WDR62: variants seen among roughly 807,000 people sequenced by gnomAD.
WDR62 encodes the protein WD repeat-containing protein 62.
A neutral mutation model predicts 160.6 loss-of-function variants in WDR62; 112 were observed. The observed-to-expected ratio is 0.70, with a 90% CI of 0.60 to 0.82. The LOEUF is 0.82. WDR62 is among the 40% of genes least tolerant of loss of function. The pLI is 0.00. For synonymous variants in WDR62, 792 were observed against 815.1 expected (o/e 0.97, Z 0.48); for missense variants, 1,819 against 1,983.8 (o/e 0.92, Z 1.58).
intron 2 of WDR62, 139 bp from the exon 3 acceptor site, chr19:36,059,829 C>T: frequency 1.2e-6 from 1 of 854,138 alleles, no homozygotes; most frequent in Non-Finnish European, 2.0e-6. Context: ...AGCGTAAACA[C>T]CTGGAGGAGG....
chr19:36,071,235 A>G (rs1971280489), intron 7 of WDR62, among the ~76,000 whole-genome samples: 1 of 152,152 alleles, frequency 6.6e-6, no homozygotes, highest in African/African-American at 2.4e-5. Flanking sequence ...CTAAAATTCA[A>G]CCCTGTTACT....
chr19:36,107,308 T>C (rs1973733743), downstream of WDR62, among the ~76,000 whole-genome samples: 1 of 152,198 alleles, frequency 6.6e-6, no homozygotes, highest in Non-Finnish European at 1.5e-5. Flanking sequence ...TTGTTGGCTT[T>C]CCTGCAGCCC....
chr19:36,101,431 GAC>G, intron 24 of WDR62, 114 bp downstream of exon 24: 2 of 1,019,578 alleles, frequency 2.0e-6, no homozygotes, highest in Non-Finnish European at 3.0e-6. Context: ...TGTCGAGGAA[GAC>G]ACATGTGGTC....
chr19:36,101,278 G>A lies in WDR62; in HGVS notation c.2932G>A (p.Val978Met). ...CCAGCAGGGCGACTCCTACCTCAGG[G>A]TGTCCTCCGACAGCCCAAAGGACCA... is the stretch of plus-strand genomic sequence containing the variant. ...GDQQGDSYLR[V>M]SSDSPKDQSP... Residue 978 changes from valine to methionine, a missense_variant, in exon 24 of 32, where the codon GTG (valine) becomes ATG (methionine). Physicochemically the swap from Val to Met is conservative, Grantham distance 21. Around this residue, in one of 3 missense-constraint regions of WDR62, gnomAD observed 770 missense variants for 734.2 expected, o/e 1.05. Transcript: ENST00000401500. 2 of 1,612,812 alleles carry A rather than the reference G, an allele frequency of 1.2e-6. No individual in the cohort carries two copies. The highest frequency in any genetic ancestry group is 1.7e-6 in the Non-Finnish European group (2 of 1,179,780).
At chr19:36,055,870 A>T (rs1343974324) in intron 1 of WDR62, among the ~76,000 whole-genome samples, 1 of 152,220 alleles carries the variant, frequency 6.6e-6, no homozygotes, top group African/African-American at 2.4e-5. Context: ...AATGGAGATG[A>T]TAAGAACCAT....
Position 36,103,841 on chromosome 19 carries a change from G to T in WDR62, c.4013G>T (p.Arg1338Met). ...AGCCCTGTGGAAGAGAGCGCCCTGA[G>T]GCTCCACGGCTCTGCCTTTCGCCCA... ...APSPVEESAL[R>M]LHGSAFRPSL... The change falls in exon 30 of 32, where the codon AGG becomes ATG. Residue 1338 changes from arginine to methionine, a missense_variant. Coordinates refer to ENST00000401500, the MANE Select transcript of WDR62 (RefSeq NM_001083961.2). The T allele has an allele frequency of 6.2e-7, 1 of 1,604,796 alleles. No individual in the cohort carries two copies.
chr19:36,094,709 G>A (rs1972851720), intron 20 of WDR62, among the ~76,000 whole-genome samples: 1 of 151,314 alleles, frequency 6.6e-6, no homozygotes, highest in African/African-American at 2.4e-5. Flanking sequence ...GGGCAACATA[G>A]CGAGAGCCCA....
intron 3 of WDR62, chr19:36,062,579 G>A (rs561289996): frequency 4.8e-5 from 7 of 146,654 alleles, no homozygotes; most frequent in African/African-American, 1.5e-4. Flanking sequence ...GAACCCGGGA[G>A]GCAGAGGTTG....
intron 10 of WDR62, among the ~76,000 whole-genome samples, chr19:36,082,191 G>A (rs1971939539): frequency 6.6e-6 from 1 of 152,164 alleles, no homozygotes; most frequent in African/African-American, 2.4e-5. Context: ...ATCTAGTGAG[G>A]GCCGACAGTG....
At chr19:36,104,367 G>A (rs1284508174) in intron 30 of WDR62, 151 bp from the exon 31 acceptor site, 5 of 1,015,948 alleles carry the variant, frequency 4.9e-6, no homozygotes, top group African/African-American at 1.6e-5. Flanking sequence ...CTGCATTGGA[G>A]CAGAGACCTG....
Position 36,091,193 on chromosome 19 carries a change from C to T in WDR62, c.2035-7C>T. ...CTGGAGTGACATGTGGGTCCCTTTCCTGGCAGGTCCATGTGGACCCCTCAG... is the reference window on the plus strand; with the variant it reads ...CTGGAGTGACATGTGGGTCCCTTTCTTGGCAGGTCCATGTGGACCCCTCAG... On this transcript the variant is annotated splice_region_variant and splice_polypyrimidine_tract_variant and intron_variant, in intron 16 of 31. Coordinates refer to ENST00000401500, the MANE Select transcript of WDR62 (RefSeq NM_001083961.2). 1 of 1,611,766 alleles carries T rather than the reference C, an allele frequency of 6.2e-7. No individual in the cohort carries two copies. Among genetic ancestry groups the T allele is most frequent in the Non-Finnish European group, 8.5e-7 (1 of 1,179,530 alleles).
chr19:36,056,276 G>A (rs779806133), intron 1 of WDR62, among the ~76,000 whole-genome samples: 4 of 152,178 alleles, frequency 2.6e-5, no homozygotes, highest in Non-Finnish European at 5.9e-5. Flanking sequence ...GTAGCTGCTG[G>A]TGGAGCTTGT....
In WDR62 at chr19:36,104,528, T is replaced by A; in HGVS notation, c.4164T>A (p.Gly1388=). 6.2e-7 allele frequency: 1 copy of A among 1,613,800 alleles called. No homozygotes were observed. Among genetic ancestry groups the A allele is most frequent in the Non-Finnish European group, 8.5e-7 (1 of 1,179,948 alleles). The change falls in exon 31 of 32, where the codon GGT becomes GGA. Residue 1388 remains glycine, a synonymous_variant. Transcript: ENST00000401500. ...TTCTCTCTACCCCAGGTGCACTTGG[T>A]CTGTTACAGGGCAGCCCTGCCCGCT... ...SLLEPTSGAL[G]LLQGSPARWS...
rs779777395 is a variant in WDR62, at chr19:36,058,780, G to A, written c.178G>A (p.Val60Met). The A allele has an allele frequency of 1.2e-6, 2 of 1,613,938 alleles. No homozygotes were observed. The highest frequency in any genetic ancestry group is 1.1e-5 in the South Asian group (1 of 91,058). Residue 60 changes from valine (V) to methionine (M), a missense_variant and splice_region_variant, in exon 2 of 32, where the codon GTG (valine) becomes ATG (methionine). By Grantham distance (21) the Val-to-Met change is conservative (BLOSUM62 1). Coordinates refer to ENST00000401500, the MANE Select transcript of WDR62 (RefSeq NM_001083961.2). ...TCTGACTTGGGCTTTTTCTTTGCAG[G>A]TGTCACTCGAGAAGGTGCTTGGCAT... is the stretch of plus-strand genomic sequence containing the variant. Reference protein sequence around the residue: ...TASEETVQNRVSLEKVLGITA... With the variant: ...TASEETVQNRMSLEKVLGITA...
In WDR62 at chr19:36,067,504, T is replaced by A. The variant is rs539540235; in HGVS notation, c.699+61T>A. Reference sequence around the variant, plus strand: ...GAGGGAGTCACCATCGGTGGCAGCATGGTCTCCTGTTTCTCCCTGAGATTT... The same window carrying A: ...GAGGGAGTCACCATCGGTGGCAGCAAGGTCTCCTGTTTCTCCCTGAGATTT... On this transcript the variant is annotated intron_variant, in intron 6 of 31. Transcript: ENST00000401500. 91 of 1,609,320 alleles carry A rather than the reference T, an allele frequency of 5.7e-5. No individual in the cohort carries two copies. In the East Asian group the frequency reaches 2.0e-3, roughly 35 times the overall value.
chr19:36,079,984 A>G (rs1971795946), intron 9 of WDR62, among the ~76,000 whole-genome samples: 1 of 151,994 alleles, frequency 6.6e-6, no homozygotes, highest in Non-Finnish European at 1.5e-5. Flanking sequence ...GTATTTTGAA[A>G]TCTCTTTATA....
At position 36,102,810 on chromosome 19, in the gene WDR62, T is replaced by C. The variant is rs371930113; in HGVS notation, c.3294T>C (p.Ser1098=). 9 of 1,614,132 alleles carry C rather than the reference T, an allele frequency of 5.6e-6. No individual in the cohort carries two copies. Among genetic ancestry groups the C allele is most frequent in the Non-Finnish European group, 7.6e-6 (9 of 1,180,020 alleles). The change falls in exon 27 of 32, where the codon AGT becomes AGC. Residue 1098 remains serine (S), a synonymous_variant. Coordinates refer to ENST00000401500, the MANE Select transcript of WDR62 (RefSeq NM_001083961.2). ...AEDHFFNPRL[S]ISTQFLSSLQ... The stretch of plus-strand genomic sequence containing the variant: ...ACCACTTCTTCAACCCACGCCTGAG[T>C]ATCTCCACGCAGTTCCTCTCAAGCC...
intron 19 of WDR62, among the ~76,000 whole-genome samples, chr19:36,093,401 T>C (rs1972757897): frequency 6.6e-6 from 1 of 152,244 alleles, no homozygotes; most frequent in Non-Finnish European, 1.5e-5. Flanking sequence ...GCCAATTTTA[T>C]TTGCAGAGAA....
chr19:36,066,280 C>T lies in WDR62; in HGVS notation c.414C>T (p.Arg138=). ...AGAATGGGCATAGGCCTGCTGTGCG[C>T]ATCTGGGATGTGGAGGAGAAGAATC... ...TGENGHRPAV[R]IWDVEEKNQV... The change falls in exon 5 of 32, where the codon CGC becomes CGT. Residue 138 remains arginine (R), a synonymous_variant. Coordinates refer to ENST00000401500, the MANE Select transcript of WDR62 (RefSeq NM_001083961.2). 1 of 1,614,224 alleles carries T rather than the reference C, an allele frequency of 6.2e-7. No homozygotes were observed. The highest frequency in any genetic ancestry group is 1.1e-5 in the South Asian group (1 of 91,084).
Sources: gnomAD v4.1 joint callset for allele counts (sites outside exome capture counted in the v4.1 genomes callset) on GRCh38, gnomAD v4.1.1 for gene constraint, gnomAD v4.1.1 regional missense constraint, MANE v1.5 for transcripts, NCBI Gene and HGNC (gene_info 2026-07-23, HGNC 2026-07-21) for gene names.